The following UGT2B10 variants were observed in gnomAD, a reference collection of about 807,000 sequenced individuals.
UGT2B10 encodes the protein UDP glucuronosyltransferase family 2 member B10, also known as UDP-glucuronosyltransferase 2B10.
UGT2B10 carries 51 observed loss-of-function variants against 43.7 expected under a neutral mutation model. The ratio of observed to expected loss-of-function variants is 1.17; its 90% confidence interval spans 0.93 to 1.47. The LOEUF (loss-of-function observed/expected upper bound fraction) is 1.47. Among genes scored for constraint, UGT2B10 ranks in the 40% most tolerant of loss-of-function variants. The probability of loss-of-function intolerance (pLI) is 0.00; values close to 1 mark genes in which losing one functional copy is unlikely to be tolerated. For synonymous variants in UGT2B10, 225 were observed against 209.0 expected (o/e 1.08, Z -0.66); for missense variants, 696 against 617.7 (o/e 1.13, Z -1.34).
chr4:68,827,004 C>A (rs530149511), intron 4 of UGT2B10, among the ~76,000 whole-genome samples: 1 of 152,064 alleles, frequency 6.6e-6, no homozygotes, highest in Non-Finnish European at 1.5e-5. Context: ...ACATATCACA[C>A]TCTGTGACTG....
intron 1 of UGT2B10, among the ~76,000 whole-genome samples, chr4:68,817,000 A>G (rs1737246659): frequency 1.3e-5 from 2 of 151,902 alleles, no homozygotes; most frequent in Admixed American, 1.3e-4. Flanking sequence ...GACTTTAAGC[A>G]ATTATATATC....
chr4:68,826,477 T>A lies in UGT2B10; in HGVS notation c.1067T>A (p.Ile356Lys), dbSNP rs1737785805. 5.6e-6 allele frequency: 9 copies of A among 1,612,340 alleles called. No homozygotes were observed. In the East Asian group the frequency reaches 2.0e-4, roughly 36 times the overall value. The change falls in exon 4 of 6, where the codon ATA becomes AAA. Residue 356 changes from isoleucine to lysine, a missense_variant. Physicochemically the swap from Ile to Lys is moderately radical, Grantham distance 102. Transcript: ENST00000265403. ...CTCAATACTCGACTGTACAAGTGGA[T>A]ACCCCAGAATGACCTTCTAGGTAAC... Reference protein sequence around the residue: ...LGLNTRLYKWIPQNDLLGHPK... With the variant: ...LGLNTRLYKWKPQNDLLGHPK...
chr4:68,827,350 T>A lies in UGT2B10; in HGVS notation c.1109T>A (p.Phe370Tyr). 2 of 1,613,318 alleles carry A rather than the reference T, an allele frequency of 1.2e-6. No homozygotes were observed. The highest frequency in any genetic ancestry group is 1.7e-6 in the Non-Finnish European group (2 of 1,179,474). The change falls in exon 5 of 6, where the codon TTT (phenylalanine) becomes TAT (tyrosine). Residue 370 changes from phenylalanine to tyrosine, a missense_variant. Transcript: ENST00000265403. Reference sequence around the variant, plus strand: ...CTAGGTCATCCAAAAACCAGAGCTTTTATAACTCATGGTGGAGCCAATGGC... The same window carrying A: ...CTAGGTCATCCAAAAACCAGAGCTTATATAACTCATGGTGGAGCCAATGGC... ...DLLGHPKTRA[F>Y]ITHGGANGIY...
intron 3 of UGT2B10, among the ~76,000 whole-genome samples, chr4:68,825,301 T>A (rs533010448): frequency 2.4e-4 from 37 of 151,848 alleles, no homozygotes; most frequent in Middle Eastern, 3.4e-3. Context: ...ATACTTTTTT[T>A]ATAATATTTT....
At chr4:68,826,325 T>C in intron 3 of UGT2B10, 85 bp from the exon 4 acceptor site, 4 of 1,421,894 alleles carry the variant, frequency 2.8e-6, no homozygotes, top group Non-Finnish European at 3.9e-6. Context: ...ATCCCTTGAT[T>C]TCATTTCTAC....
intron 4 of UGT2B10, among the ~76,000 whole-genome samples, 187 bp from the exon 5 acceptor site, chr4:68,827,142 G>C (rs888710501): frequency 6.6e-6 from 1 of 151,570 alleles, no homozygotes; most frequent in Non-Finnish European, 1.5e-5. Flanking sequence ...GCAGTCTGAA[G>C]TCACACCACC....
chr4:68,816,064 T>C lies in UGT2B10; in HGVS notation c.45T>C (p.Phe15=), dbSNP rs768863785. 6.2e-7 allele frequency: 1 copy of C among 1,613,088 alleles called. No individual in the cohort carries two copies. The highest frequency in any genetic ancestry group is 1.7e-5 in the Admixed American group (1 of 59,912). The change falls in exon 1 of 6, where the codon TTT becomes TTC. Residue 15 remains phenylalanine, a synonymous_variant. Transcript: ENST00000265403. The part of the protein sequence containing the change: ...WTTVLLIQLS[F]YFSSGSCGKV... ...CAGTTCTGCTGATACAACTCAGTTTTTACTTTAGCTCTGGGAGTTGTGGAA... is the reference window on the plus strand; with the variant it reads ...CAGTTCTGCTGATACAACTCAGTTTCTACTTTAGCTCTGGGAGTTGTGGAA...
At chr4:68,819,756 T>C (rs1350266942) in intron 2 of UGT2B10, among the ~76,000 whole-genome samples, 1 of 151,976 alleles carries the variant, frequency 6.6e-6, no homozygotes, top group African/African-American at 2.4e-5. Flanking sequence ...TTCTGAATAG[T>C]GCCCTTAATT....
chr4:68,826,452 C>G lies in UGT2B10; in HGVS notation c.1042C>G (p.Leu348Val). 6.2e-7 allele frequency: 1 copy of G among 1,612,384 alleles called. No homozygotes were observed. Residue 348 changes from leucine to valine, a missense_variant, in exon 4 of 6, where the codon CTC becomes GTC. Leu to Val is a conservative substitution (Grantham distance 32). Transcript: ENST00000265403. ...TGGGAATAAACCAGATGCCTTAGGTCTCAATACTCGACTGTACAAGTGGAT... is the reference window on the plus strand; with the variant it reads ...TGGGAATAAACCAGATGCCTTAGGTGTCAATACTCGACTGTACAAGTGGAT... ...FDGNKPDALG[L>V]NTRLYKWIPQ... is the part of the protein sequence containing the mutation.
At chr4:68,820,220 A>G (rs116742506) in intron 2 of UGT2B10, among the ~76,000 whole-genome samples, 3,095 of 152,192 alleles carry the variant, frequency 0.02, 120 homozygotes, top group African/African-American at 0.07. Context: ...ATTAACTTGC[A>G]GAAAGCATTG....
chr4:68,821,620 C>T (rs1468154000), intron 2 of UGT2B10, among the ~76,000 whole-genome samples: 2 of 152,156 alleles, frequency 1.3e-5, no homozygotes, highest in African/African-American at 4.8e-5. Context: ...AATCACAATA[C>T]TAGACTCCAG....
At position 68,827,689 on chromosome 4, in the gene UGT2B10, C is replaced by G. The variant is rs940050684; in HGVS notation, c.1307+141C>G. On this transcript the variant is annotated intron_variant, in intron 5 of 5. Coordinates refer to ENST00000265403, the MANE Select transcript of UGT2B10 (RefSeq NM_001075.6). Reference sequence around the variant, plus strand: ...TTAACCAATCCGAAATCTGCTTTTACTTTTTATCTGTTATTTAAAAATTGT... The same window carrying G: ...TTAACCAATCCGAAATCTGCTTTTAGTTTTTATCTGTTATTTAAAAATTGT... 2.9e-6 allele frequency: 4 copies of G among 1,381,606 alleles called. No homozygotes were observed. In the African/African-American group the frequency reaches 5.9e-5, roughly 20 times the overall value. 85.6% of individuals were successfully genotyped at this position (1,381,606 alleles called of 1,614,324 possible).
chr4:68,830,682 G>C lies in UGT2B10; in HGVS notation c.1390G>C (p.Glu464Gln). 6.2e-7 allele frequency: 1 copy of C among 1,613,388 alleles called. No individual in the cohort carries two copies. ...CCTGGATCGAGCAGTCTTCTGGATT[G>C]AATTTGTCATGCGCCACAAAGGAGC... ...KPLDRAVFWI[E>Q]FVMRHKGAKH... The change falls in exon 6 of 6, where the codon GAA becomes CAA. Residue 464 changes from glutamate (E) to glutamine (Q), a missense_variant. By Grantham distance (29) the Glu-to-Gln change is conservative. Coordinates refer to ENST00000265403, the MANE Select transcript of UGT2B10 (RefSeq NM_001075.6).
At chr4:68,816,887 A>G (rs1459018556) in intron 1 of UGT2B10, 150 bp downstream of exon 1, 1 of 782,962 alleles carries the variant, frequency 1.3e-6, no homozygotes, top group African/African-American at 1.8e-5. Context: ...AATCTCACAA[A>G]TATTATAGAA....
In UGT2B10 at chr4:68,831,123, T is replaced by G. The variant is rs944132619; in HGVS notation, c.*244T>G. 2.0e-6 allele frequency: 1 copy of G among 495,308 alleles called. No homozygotes were observed. The highest frequency in any genetic ancestry group is 2.0e-5 in the African/African-American group (1 of 50,878). 30.7% of individuals were successfully genotyped at this position (495,308 alleles called of 1,614,324 possible). The stretch of plus-strand genomic sequence containing the variant: ...AAAATAATATAAAGCCATATGAGCT[T>G]GTATTGAAATTTGTTGCACTTATAT... On this transcript the variant is annotated 3_prime_UTR_variant, in exon 6 of 6. Coordinates refer to ENST00000265403, the MANE Select transcript of UGT2B10 (RefSeq NM_001075.6).
chr4:68,823,234 A>G (rs1171776103), intron 3 of UGT2B10, among the ~76,000 whole-genome samples: 1 of 152,138 alleles, frequency 6.6e-6, no homozygotes, highest in East Asian at 1.9e-4. Context: ...TAGGATGGGC[A>G]TGGTGGTTCG....
At chr4:68,830,064 A>G (rs1738011069) in intron 5 of UGT2B10, among the ~76,000 whole-genome samples, 1 of 152,034 alleles carries the variant, frequency 6.6e-6, no homozygotes, top group African/African-American at 2.4e-5. Flanking sequence ...GAACTTAGAG[A>G]TGTTAATTCT....
chr4:68,828,194 T>C (rs1424258472), intron 5 of UGT2B10, among the ~76,000 whole-genome samples: 3 of 152,082 alleles, frequency 2.0e-5, no homozygotes, highest in Non-Finnish European at 4.4e-5. Flanking sequence ...TTATTCTCTA[T>C]AGATGTTTCA....
chr4:68,821,800 G>C (rs113742349), intron 2 of UGT2B10, among the ~76,000 whole-genome samples: 6,426 of 152,174 alleles, frequency 0.042, 313 homozygotes, highest in East Asian at 0.22. Flanking sequence ...CTCATAGTTA[G>C]GGAAGTAAAC....
Sources: gnomAD v4.1 joint callset for allele counts (sites outside exome capture counted in the v4.1 genomes callset) on GRCh38, gnomAD v4.1.1 for gene constraint, MANE v1.5 for transcripts, NCBI Gene and HGNC (gene_info 2026-07-23, HGNC 2026-07-21) for gene names.